ST6GALNAC3: variants seen among roughly 807,000 people sequenced by gnomAD.
The protein encoded by ST6GALNAC3 is alpha-N-acetylgalactosaminide alpha-2,6-sialyltransferase 3.
Under a neutral mutation model 32.7 loss-of-function variants are expected in ST6GALNAC3, and 25 were observed. That is an observed-to-expected ratio of 0.76 (90% CI 0.56 to 1.07). ST6GALNAC3 has a LOEUF of 1.07. ST6GALNAC3 is among the 50% of genes least tolerant of loss of function. The pLI is 0.00. For missense variants in ST6GALNAC3, 355 were observed against 382.4 expected (o/e 0.93, Z 0.60); for synonymous variants, 129 against 133.1 (o/e 0.97, Z 0.21).
At chr1:76,476,836 A>G (rs1220560672) in intron 3 of ST6GALNAC3, among the ~76,000 whole-genome samples, 1 of 152,192 alleles carries the variant, frequency 6.6e-6, no homozygotes, top group Non-Finnish European at 1.5e-5. Context: ...CATGTTGTGT[A>G]CAAGTAGCTT....
intron 1 of ST6GALNAC3, among the ~76,000 whole-genome samples, chr1:76,126,440 C>CTTCCTTCCTTCCTTTG (rs144548099): frequency 0.37 from 54,034 of 147,230 alleles, 10,283 homozygotes; most frequent in African/African-American, 0.42. Context: ...TCCTTCCTTC[C>CTTCCTTCCTTCCTTTG]TTCCTTCCTT....
intron 1 of ST6GALNAC3, among the ~76,000 whole-genome samples, chr1:76,256,371 A>C (rs1009171352): frequency 2.0e-5 from 3 of 152,166 alleles, no homozygotes; most frequent in Non-Finnish European, 4.4e-5. Context: ...CATAACAAAA[A>C]GACACTGAAA....
chr1:76,131,750 T>C (rs780627838), intron 1 of ST6GALNAC3, among the ~76,000 whole-genome samples: 1 of 152,170 alleles, frequency 6.6e-6, no homozygotes, highest in Non-Finnish European at 1.5e-5. Flanking sequence ...AAAAGAGTAA[T>C]GTCTTTCTTT....
intron 1 of ST6GALNAC3, among the ~76,000 whole-genome samples, chr1:76,200,811 A>G (rs865823658): frequency 1.3e-5 from 2 of 151,906 alleles, no homozygotes; most frequent in East Asian, 3.9e-4. Context: ...GGCCATTTGC[A>G]GTTTGATTTG....
chr1:76,083,449 C>T (rs555092593), intron 1 of ST6GALNAC3, among the ~76,000 whole-genome samples: 1 of 152,296 alleles, frequency 6.6e-6, no homozygotes, highest in South Asian at 2.1e-4. Flanking sequence ...AGAAGAGACA[C>T]GAGAACTGCT....
At chr1:76,576,437 C>T (rs759092101) in intron 3 of ST6GALNAC3, among the ~76,000 whole-genome samples, 3 of 152,056 alleles carry the variant, frequency 2.0e-5, no homozygotes, top group Non-Finnish European at 4.4e-5. Flanking sequence ...TAATTGTTTG[C>T]TCCCAATCCA....
chr1:76,286,131 C>T (rs1659764908), intron 1 of ST6GALNAC3, among the ~76,000 whole-genome samples: 1 of 152,172 alleles, frequency 6.6e-6, no homozygotes, highest in African/African-American at 2.4e-5. Flanking sequence ...AGTAACAGGC[C>T]TTTCCATCCA....
intron 2 of ST6GALNAC3, among the ~76,000 whole-genome samples, chr1:76,385,347 G>A (rs1250394640): frequency 6.6e-6 from 1 of 151,970 alleles, no homozygotes; most frequent in African/African-American, 2.4e-5. Flanking sequence ...TATAGTAATT[G>A]TCTCAAATCT....
intron 3 of ST6GALNAC3, among the ~76,000 whole-genome samples, chr1:76,481,782 G>A (rs1659738632): frequency 6.6e-6 from 1 of 152,178 alleles, no homozygotes; most frequent in Non-Finnish European, 1.5e-5. Context: ...AATGCATTAG[G>A]CATGCTTATT....
At chr1:76,522,327 A>G (rs1231251816) in intron 3 of ST6GALNAC3, among the ~76,000 whole-genome samples, 3 of 151,992 alleles carry the variant, frequency 2.0e-5, no homozygotes, top group African/African-American at 7.2e-5. Flanking sequence ...TTATGGATTG[A>G]TACTTTTCTT....
chr1:76,563,193 T>G (rs995525707), intron 3 of ST6GALNAC3, among the ~76,000 whole-genome samples: 1 of 152,146 alleles, frequency 6.6e-6, no homozygotes, highest in Admixed American at 6.5e-5. Flanking sequence ...AATCAATCAG[T>G]TTTCAATCTT....
chr1:76,133,100 C>T (rs1649718884), intron 1 of ST6GALNAC3, among the ~76,000 whole-genome samples: 3 of 152,136 alleles, frequency 2.0e-5, no homozygotes, highest in Admixed American at 6.5e-5. Context: ...GTCAACTTCC[C>T]CAAACTACAT....
chr1:76,187,864 G>T (rs904628928), intron 1 of ST6GALNAC3, among the ~76,000 whole-genome samples: 1 of 152,110 alleles, frequency 6.6e-6, no homozygotes, highest in East Asian at 1.9e-4. Flanking sequence ...GTCCGTCCCA[G>T]GATTGCCTTG....
chr1:76,258,504 C>T (rs1020191459), intron 1 of ST6GALNAC3, among the ~76,000 whole-genome samples: 3 of 152,076 alleles, frequency 2.0e-5, no homozygotes, highest in Non-Finnish European at 2.9e-5. Flanking sequence ...TTTTTGCTGG[C>T]AAAGAAATCA....
chr1:76,503,374 A>G (rs1306720338), intron 3 of ST6GALNAC3, among the ~76,000 whole-genome samples: 1 of 152,180 alleles, frequency 6.6e-6, no homozygotes, highest in Non-Finnish European at 1.5e-5. Flanking sequence ...GGGCCTGCTC[A>G]TTTGCTTTTA....
At chr1:76,355,994 T>C (rs1201574635) in intron 2 of ST6GALNAC3, among the ~76,000 whole-genome samples, 1 of 152,202 alleles carries the variant, frequency 6.6e-6, no homozygotes. Context: ...AGCAAAGTGA[T>C]ATTTTATAGG....
chr1:76,483,239 C>T (rs1292488793), intron 3 of ST6GALNAC3, among the ~76,000 whole-genome samples: 2 of 152,106 alleles, frequency 1.3e-5, no homozygotes, highest in African/African-American at 2.4e-5. Context: ...GGTATATACC[C>T]AGTAATGGGA....
chr1:76,322,565 T>A (rs1182342118), intron 2 of ST6GALNAC3, among the ~76,000 whole-genome samples: 1 of 152,212 alleles, frequency 6.6e-6, no homozygotes, highest in African/African-American at 2.4e-5. Context: ...GTAATTTCAA[T>A]TAAACACTTA....
intron 2 of ST6GALNAC3, among the ~76,000 whole-genome samples, chr1:76,405,766 C>G (rs1480394820): frequency 6.6e-6 from 1 of 151,906 alleles, no homozygotes; most frequent in African/African-American, 2.4e-5. Flanking sequence ...CCATTTCTCT[C>G]TCTCCCTCTC....
Sources: allele counts gnomAD v4.1 joint callset (sites outside exome capture counted in the v4.1 genomes callset), GRCh38; gene constraint gnomAD v4.1.1; transcripts MANE v1.5; gene names NCBI Gene and HGNC (gene_info 2026-07-23, HGNC 2026-07-21).